The following RAI14 variants were observed in gnomAD, a reference collection of about 807,000 sequenced individuals.
RAI14 encodes ankycorbin.
RAI14 carries 45 observed loss-of-function variants against 115.4 expected under a neutral mutation model. The observed-to-expected ratio is 0.39, with a 90% confidence interval of 0.31 to 0.50. The LOEUF is 0.50. RAI14 is among the 20% of genes least tolerant of loss of function. The pLI, the probability that RAI14 is intolerant of heterozygous loss-of-function variation, is 0.85. For missense variants in RAI14, 939 were observed against 1,131.2 expected (o/e 0.83, Z 2.44); for synonymous variants, 371 against 415.4 (o/e 0.89, Z 1.30).
At chr5:34,708,647 T>C (rs554539463) in intron 2 of RAI14, among the ~76,000 whole-genome samples, 1 of 152,212 alleles carries the variant, frequency 6.6e-6, no homozygotes, top group East Asian at 1.9e-4. Context: ...ACATATTCCA[T>C]AGGTTGTGGG....
chr5:34,823,608 A>C lies in RAI14; in HGVS notation c.1766A>C (p.Asn589Thr). Reference protein sequence around the residue: ...MKSSYCSVIENMNKEKAFLFE... With the variant: ...MKSSYCSVIETMNKEKAFLFE... ...AGTTCATATTGCTCTGTTATTGAGA[A>C]TATGAATAAGGAGAAAGCATTTTTG... The change falls in exon 15 of 18, where the codon AAT becomes ACT. Residue 589 changes from asparagine to threonine, a missense_variant. Coordinates refer to ENST00000265109, the MANE Select transcript of RAI14 (RefSeq NM_015577.3). This position sits in a 1 kb window ranked among gnomAD's most constrained non-coding sequence, Gnocchi z 4.5. The C allele has an allele frequency of 6.2e-7, 1 of 1,614,176 alleles. No homozygotes were observed. Among genetic ancestry groups the C allele is most frequent in the Non-Finnish European group, 8.5e-7 (1 of 1,180,034 alleles).
intron 2 of RAI14, among the ~76,000 whole-genome samples, chr5:34,731,952 T>G (rs1185141380): frequency 6.6e-6 from 1 of 152,042 alleles, no homozygotes; most frequent in Non-Finnish European, 1.5e-5. Context: ...TCCCAGGAGC[T>G]CGGTGGAGTG....
rs192119448 is a variant in RAI14, at chr5:34,803,270, A to G, written c.257-442A>G. On this transcript the variant is annotated intron_variant, in intron 4 of 17. Coordinates refer to ENST00000265109, the MANE Select transcript of RAI14 (RefSeq NM_015577.3). ...CTCGCAAGAATAACAGTTCCAGCCC[A>G]GGCACAGTAGCTCATGCCTGTAATC... Among the ~76,000 whole-genome samples, 105 of 152,324 alleles carry G rather than the reference A, an allele frequency of 6.9e-4. 1 individual carries two copies. Among genetic ancestry groups the G allele is most frequent in the African/African-American group, 2.5e-3 (102 of 41,582 alleles).
intron 3 of RAI14, among the ~76,000 whole-genome samples, chr5:34,795,425 G>A (rs1369849060): frequency 1.3e-5 from 2 of 152,202 alleles, no homozygotes; most frequent in Non-Finnish European, 2.9e-5. Flanking sequence ...AATATTGCAT[G>A]CAACTATTGT....
chr5:34,817,127 A>C (rs1756327864), intron 12 of RAI14, among the ~76,000 whole-genome samples: 1 of 151,874 alleles, frequency 6.6e-6, no homozygotes, highest in South Asian at 2.1e-4. Flanking sequence ...AATACAAAAA[A>C]TTAGTCAGGT....
Position 34,665,031 on chromosome 5 carries a change from A to G in RAI14, c.-49+8556A>G, listed in dbSNP as rs866784589. On this transcript the variant is annotated intron_variant, in intron 1 of 17. Coordinates refer to ENST00000265109, the MANE Select transcript of RAI14 (RefSeq NM_015577.3). ...TATATATATATATGTGTATATATAT[A>G]TGTATATATATGTGTATATATATGT... Among the ~76,000 whole-genome samples, 91 of 31,440 alleles carry G rather than the reference A, an allele frequency of 2.9e-3. 32 individuals are homozygous for G. Among genetic ancestry groups the G allele is most frequent in the South Asian group, 6.8e-3 (2 of 294 alleles). 20.6% of individuals were successfully genotyped at this position (31,440 alleles called of 152,430 possible). A position where few individuals can be genotyped will look rare whatever the true frequency, so the allele number is the denominator to read the frequency against.
At chr5:34,757,015 A>G (rs1747976121) in intron 2 of RAI14, among the ~76,000 whole-genome samples, 1 of 152,208 alleles carries the variant, frequency 6.6e-6, no homozygotes, top group Admixed American at 6.5e-5. Context: ...ATAAAAGCAG[A>G]TGAAAAATTA....
At chr5:34,806,040 C>T (rs1754851511) in intron 5 of RAI14, among the ~76,000 whole-genome samples, 1 of 152,038 alleles carries the variant, frequency 6.6e-6, no homozygotes, top group African/African-American at 2.4e-5. Flanking sequence ...GATTGCACAG[C>T]AGTAAAAAGG....
intron 1 of RAI14, among the ~76,000 whole-genome samples, chr5:34,683,534 T>C (rs751643928): frequency 6.6e-6 from 1 of 152,116 alleles, no homozygotes; most frequent in African/African-American, 2.4e-5. Flanking sequence ...CACTGTTGCC[T>C]AAGACTTTGT....
chr5:34,820,826 C>T (rs992828020), intron 13 of RAI14, among the ~76,000 whole-genome samples: 3 of 152,044 alleles, frequency 2.0e-5, no homozygotes, highest in African/African-American at 7.2e-5. Context: ...GTAGGATGTC[C>T]GAAAGTTGTG....
chr5:34,723,373 T>C (rs1335197006), intron 2 of RAI14, among the ~76,000 whole-genome samples: 1 of 151,862 alleles, frequency 6.6e-6, no homozygotes. Context: ...CAAAGAAGAG[T>C]TGGTATTTCA....
At chr5:34,724,222 G>T (rs1743170070) in intron 2 of RAI14, among the ~76,000 whole-genome samples, 1 of 151,914 alleles carries the variant, frequency 6.6e-6, no homozygotes, top group African/African-American at 2.4e-5. Flanking sequence ...CACCATGTTG[G>T]CCAAGCTGGT....
intron 3 of RAI14, among the ~76,000 whole-genome samples, chr5:34,761,054 G>A (rs1237090312): frequency 6.6e-6 from 1 of 152,196 alleles, no homozygotes; most frequent in Non-Finnish European, 1.5e-5. Context: ...CCGAGTTGTA[G>A]CTTCTGTCAG....
Position 34,656,356 on chromosome 5 carries a change from G to C in RAI14, c.-168G>C, listed in dbSNP as rs1260139046. On this transcript the variant is annotated 5_prime_UTR_variant, in exon 1 of 18. Coordinates refer to ENST00000265109, the MANE Select transcript of RAI14 (RefSeq NM_015577.3). ...GACCCCCGCAGCGGGGGAGGAGGAGGGACTGCGGCGCAGGAAGCCGAGCAG... is the reference window on the plus strand; with the variant it reads ...GACCCCCGCAGCGGGGGAGGAGGAGCGACTGCGGCGCAGGAAGCCGAGCAG... 3 of 152,138 alleles carry C rather than the reference G, an allele frequency of 2.0e-5. No homozygotes were observed. In the East Asian group the frequency reaches 5.8e-4, roughly 30 times the overall value. 9.4% of individuals were successfully genotyped at this position (152,138 alleles called of 1,614,324 possible).
intron 2 of RAI14, among the ~76,000 whole-genome samples, chr5:34,712,810 T>C (rs1175180282): frequency 1.3e-5 from 2 of 152,160 alleles, no homozygotes; most frequent in Non-Finnish European, 2.9e-5. Flanking sequence ...AACGTATTAA[T>C]GTACATTGTG....
rs149119759 is a variant in RAI14 at position 34,707,424 on chromosome 5, C to T, written c.36+20469C>T. Among the ~76,000 whole-genome samples, 219 of 152,320 alleles carry T rather than the reference C, an allele frequency of 1.4e-3. 4 individuals are homozygous for T. The East Asian group carries it at 0.019, about 13-fold the overall frequency. On this transcript the variant is annotated intron_variant, in intron 2 of 17. Coordinates refer to ENST00000265109, the MANE Select transcript of RAI14 (RefSeq NM_015577.3). ...GGGAGGTTGCAGTGAGCCAAGATCA[C>T]GCTACTGCACTCCAGCCTGGCGACA... is the stretch of plus-strand genomic sequence containing the variant.
At chr5:34,684,629 A>G (rs1020054511) in intron 1 of RAI14, 12 of 152,200 alleles carry the variant, frequency 7.9e-5, no homozygotes, top group African/African-American at 2.7e-4. Context: ...TTTTCACACC[A>G]TTTATCCAAG....
At chr5:34,797,359 C>T in intron 4 of RAI14, among the ~76,000 whole-genome samples, 1 of 151,730 alleles carries the variant, frequency 6.6e-6, no homozygotes, top group South Asian at 2.1e-4. Context: ...TGGTTGGGAA[C>T]AGGTTTAGAA....
intron 2 of RAI14, among the ~76,000 whole-genome samples, chr5:34,714,392 C>T (rs544172669): frequency 4.8e-4 from 73 of 152,318 alleles, no homozygotes; most frequent in African/African-American, 1.6e-3. Context: ...GTTGGGTTAT[C>T]TGGGACAGGG....
Sources: gnomAD v4.1 joint callset for allele counts (sites outside exome capture counted in the v4.1 genomes callset) on GRCh38, gnomAD v4.1.1 for gene constraint, Gnocchi (gnomAD v3.1) non-coding constraint, MANE v1.5 for transcripts, NCBI Gene and HGNC (gene_info 2026-07-23, HGNC 2026-07-21) for gene names.